TGFBI: variants seen among roughly 807,000 people sequenced by gnomAD.
The protein encoded by TGFBI is transforming growth factor beta induced, also known as transforming growth factor-beta-induced protein ig-h3.
A neutral mutation model predicts 73.7 loss-of-function variants in TGFBI; 50 were observed. The observed-to-expected ratio is 0.68, with a 90% CI of 0.54 to 0.86. TGFBI has a LOEUF of 0.86. TGFBI is among the 40% of genes least tolerant of loss of function. TGFBI has a pLI of 0.00. For synonymous variants in TGFBI, 362 were observed against 360.5 expected, an observed-to-expected ratio of 1.00 and a Z score of -0.05; for missense variants, 839 against 877.0, an observed-to-expected ratio of 0.96 and a Z score of 0.55.
rs543778739 is a variant in TGFBI at position 136,036,238 on chromosome 5, G to A, written c.233+2377G>A. 8.5e-5 allele frequency among the ~76,000 whole-genome samples: 13 copies of A among 152,270 alleles called. No homozygotes were observed. In the South Asian group the frequency reaches 1.5e-3, roughly 17 times the overall value. ...TGTCTGGATGAGGTGGGGAGATGGG[G>A]TTCAGAGTGGACTCAGGCAAAGCCC... On this transcript the variant is annotated intron_variant, in intron 2 of 16. Coordinates refer to ENST00000442011, the MANE Select transcript of TGFBI (RefSeq NM_000358.3).
intron 2 of TGFBI, among the ~76,000 whole-genome samples, chr5:136,041,971 C>T (rs1270698311): frequency 1.3e-5 from 2 of 152,184 alleles, no homozygotes; most frequent in African/African-American, 4.8e-5. Context: ...GAGTACTGCA[C>T]CCGTGTGCAC....
intron 12 of TGFBI, among the ~76,000 whole-genome samples, chr5:136,057,248 A>G (rs182699362): frequency 2.1e-4 from 32 of 152,326 alleles, no homozygotes; most frequent in Middle Eastern, 6.8e-3. Context: ...GAAACCGGGC[A>G]GAGAGGAGTA....
At chr5:136,032,747 C>A (rs1489714876) in intron 1 of TGFBI, among the ~76,000 whole-genome samples, 1 of 152,112 alleles carries the variant, frequency 6.6e-6, no homozygotes, top group Non-Finnish European at 1.5e-5. Context: ...ACTGACCACG[C>A]CTCTCCTGAC....
intron 2 of TGFBI, among the ~76,000 whole-genome samples, chr5:136,036,114 C>G (rs1365579253): frequency 1.3e-5 from 2 of 152,182 alleles, no homozygotes; most frequent in African/African-American, 4.8e-5. Flanking sequence ...AGCAGGTCAA[C>G]CCCTCGGGGG....
intron 12 of TGFBI, 67 bp downstream of exon 12, chr5:136,056,862 A>G (rs1273617880): frequency 1.3e-6 from 2 of 1,524,364 alleles, no homozygotes; most frequent in African/African-American, 2.8e-5. Flanking sequence ...CCCCAGCAGC[A>G]AACAGTTGGC....
intron 5 of TGFBI, 62 bp downstream of exon 5, chr5:136,047,077 T>C: frequency 6.3e-7 from 1 of 1,588,580 alleles, no homozygotes; most frequent in Non-Finnish European, 8.5e-7. Flanking sequence ...TTCTGTTCCA[T>C]GTGTGGGCTG....
At chr5:136,058,009 C>A (rs1751680469) in intron 12 of TGFBI, among the ~76,000 whole-genome samples, 1 of 152,082 alleles carries the variant, frequency 6.6e-6, no homozygotes, top group African/African-American at 2.4e-5. Flanking sequence ...CAAACACACC[C>A]TCCCCCAGGC....
chr5:136,033,230 T>C (rs1374243752), intron 1 of TGFBI, among the ~76,000 whole-genome samples: 2 of 152,186 alleles, frequency 1.3e-5, no homozygotes, highest in African/African-American at 2.4e-5. Flanking sequence ...ATCTGGGACA[T>C]TGGAGAAAGG....
intron 1 of TGFBI, among the ~76,000 whole-genome samples, chr5:136,033,424 G>C (rs1170766895): frequency 6.6e-6 from 1 of 152,174 alleles, no homozygotes; most frequent in African/African-American, 2.4e-5. Context: ...AGCTGGTCCA[G>C]GCATGCAGAG....
chr5:136,047,537 G>A, intron 6 of TGFBI, 117 bp downstream of exon 6: 2 of 1,285,038 alleles, frequency 1.6e-6, no homozygotes, highest in Non-Finnish European at 2.2e-6. Context: ...GGAACATAGA[G>A]CAGGTTCCCC....
chr5:136,032,188 C>T (rs918779919), intron 1 of TGFBI, among the ~76,000 whole-genome samples: 2 of 152,108 alleles, frequency 1.3e-5, no homozygotes, highest in Non-Finnish European at 1.5e-5. Flanking sequence ...TTGGTCAGGC[C>T]CAGCTAGGAC....
Position 136,029,059 on chromosome 5 carries a change from G to A in TGFBI, c.4G>A (p.Ala2Thr). The A allele has an allele frequency of 1.3e-6, 2 of 1,527,440 alleles. No homozygotes were observed. Among genetic ancestry groups the A allele is most frequent in the Non-Finnish European group, 8.7e-7 (1 of 1,144,094 alleles). 94.6% of individuals were successfully genotyped at this position (1,527,440 alleles called of 1,614,324 possible). ...TCGGTGCGCGTCGTCCCGCTCCATG[G>A]CGCTCTTCGTGCGGCTGCTGGCTCT... MALFVRLLALAL... is the reference protein window; with the variant it reads MTLFVRLLALAL... Residue 2 changes from alanine (A) to threonine (T), a missense_variant, in exon 1 of 17, where the codon GCG (alanine) becomes ACG (threonine). Transcript: ENST00000442011.
At chr5:136,063,083 C>T in intron 16 of TGFBI, 103 bp from the exon 17 acceptor site, 1 of 1,034,302 alleles carries the variant, frequency 9.7e-7, no homozygotes, top group Admixed American at 1.9e-5. Flanking sequence ...GAGAGCATGG[C>T]AGAAGGAGGC....
At position 136,063,173 on chromosome 5, in the gene TGFBI, T is replaced by C; in HGVS notation, c.2012-13T>C. 1 of 1,613,152 alleles carries C rather than the reference T, an allele frequency of 6.2e-7. No individual in the cohort carries two copies. Among genetic ancestry groups the C allele is most frequent in the Non-Finnish European group, 8.5e-7 (1 of 1,179,190 alleles). On this transcript the variant is annotated splice_polypyrimidine_tract_variant and intron_variant, in intron 16 of 16. Coordinates refer to ENST00000442011, the MANE Select transcript of TGFBI (RefSeq NM_000358.3). Reference sequence around the variant, plus strand: ...TCTGCACCTATTTGACGTTACCAACTTCTCTTTTTCAGCCCCTGTCTATCA... The same window carrying C: ...TCTGCACCTATTTGACGTTACCAACCTCTCTTTTTCAGCCCCTGTCTATCA...
chr5:136,046,185 C>G (rs916175606), intron 3 of TGFBI, 150 bp from the exon 4 acceptor site: 1 of 815,908 alleles, frequency 1.2e-6, no homozygotes, highest in Admixed American at 2.9e-5. Flanking sequence ...AAGCCTTAAG[C>G]CCCCCAGAAA....
In TGFBI at chr5:136,062,668, C is replaced by T. The variant is rs199781494; in HGVS notation, c.1992C>T (p.Ser664=). ...CACCTTGTGTTTTCTTTCAGGCTTC[C>T]CAGAGGTCTGTGCGACTAGGTGAGT... The part of the protein sequence containing the change: ...FKQASAFSRA[S]QRSVRLAPVY... Residue 664 remains serine (S), a synonymous_variant, in exon 16 of 17, where the codon TCC becomes TCT. Transcript: ENST00000442011. 8.2e-4 allele frequency: 1,282 copies of T among 1,566,916 alleles called. 2 individuals carry two copies. The highest frequency in any genetic ancestry group is 1.1e-3 in the Admixed American group (59 of 53,300).
At chr5:136,049,190 G>C (rs1751487560) in intron 6 of TGFBI, 2 of 456,224 alleles carry the variant, frequency 4.4e-6, no homozygotes, top group Non-Finnish European at 3.9e-6. Context: ...GCAGGGACAA[G>C]GACTTGGGGG....
intron 10 of TGFBI, chr5:136,055,400 C>G (rs1751611417): frequency 6.0e-6 from 2 of 333,244 alleles, no homozygotes; most frequent in Admixed American, 8.9e-5. Context: ...GTATTTATTT[C>G]AACATTGTCA....
intron 11 of TGFBI, among the ~76,000 whole-genome samples, chr5:136,056,158 C>T (rs964682753): frequency 6.6e-6 from 1 of 152,222 alleles, no homozygotes; most frequent in Non-Finnish European, 1.5e-5. Context: ...CACGATGAGC[C>T]TCTCACTCTC....
Sources: gnomAD v4.1 joint callset for allele counts (sites outside exome capture counted in the v4.1 genomes callset) on GRCh38, gnomAD v4.1.1 for gene constraint, MANE v1.5 for transcripts, NCBI Gene and HGNC (gene_info 2026-07-23, HGNC 2026-07-21) for gene names.